INSRR: variants seen among roughly 807,000 people sequenced by gnomAD.
The protein encoded by INSRR is insulin receptor related receptor, also known as insulin receptor-related protein.
Under a neutral mutation model 130.0 loss-of-function variants are expected in INSRR, and 114 were observed. The ratio of observed to expected loss-of-function variants is 0.88; its 90% confidence interval spans 0.75 to 1.02. The LOEUF (loss-of-function observed/expected upper bound fraction) is 1.02, where lower values mean the gene tolerates loss of function less well. Ranked by LOEUF, INSRR falls within the 50% of genes least tolerant of loss-of-function variation. The pLI is 0.00. For missense variants in INSRR, 1,657 were observed against 1,735.2 expected (o/e 0.95, Z 0.80); for synonymous variants, 674 against 705.2 (o/e 0.96, Z 0.70).
chr1:156,853,922 C>T lies in INSRR; in HGVS notation c.467G>A (p.Gly156Glu). Reference sequence around the variant, plus strand: ...GGCGCCAGGTGCTGGCTGCAGCAGTCCCCAGTCAATGGTGGAGAGGTGGCA... The same window carrying T: ...GGCGCCAGGTGCTGGCTGCAGCAGTTCCCAGTCAATGGTGGAGAGGTGGCA... ...ELCHLSTIDW[G>E]LLQPAPGANH... Residue 156 changes from glycine to glutamate, a missense_variant, in exon 2 of 22, where the codon GGA becomes GAA. Coordinates refer to ENST00000368195, the MANE Select transcript of INSRR (RefSeq NM_014215.3). 1.2e-6 allele frequency: 2 copies of T among 1,614,080 alleles called. No homozygotes were observed. The highest frequency in any genetic ancestry group is 1.1e-5 in the South Asian group (1 of 91,058).
chr1:156,843,657 C>T (rs1654883774), intron 15 of INSRR, among the ~76,000 whole-genome samples, 178 bp from the exon 16 acceptor site: 1 of 152,234 alleles, frequency 6.6e-6, no homozygotes. Context: ...TGGCCCTATT[C>T]CTGGGATCTA....
intron 7 of INSRR, among the ~76,000 whole-genome samples, chr1:156,848,606 G>A (rs1355303842): frequency 2.6e-5 from 4 of 152,212 alleles, no homozygotes; most frequent in Non-Finnish European, 5.9e-5. Context: ...GGGCAGGAGC[G>A]TGTGGTCAGT....
At position 156,841,745 on chromosome 1, in the gene INSRR, A is replaced by AC; in HGVS notation, c.3446dup (p.Gly1150TrpfsTer50). 6.2e-7 allele frequency: 1 copy of AC among 1,613,810 alleles called. No individual in the cohort carries two copies. Among genetic ancestry groups the AC allele is most frequent in the Non-Finnish European group, 8.5e-7 (1 of 1,179,898 alleles). On this transcript the variant is annotated frameshift_variant, in exon 20 of 22. Coordinates refer to ENST00000368195, the MANE Select transcript of INSRR (RefSeq NM_014215.3). LOFTEE classifies it high-confidence loss of function. ...AGCGCACGGGCAGCAGCCCCTTCCC[A>AC]CCCTTGCGGTAATAGTCTGTCTCAT...
At chr1:156,851,209 G>T in intron 5 of INSRR, 81 bp downstream of exon 5, 1 of 1,553,776 alleles carries the variant, frequency 6.4e-7, no homozygotes, top group South Asian at 1.1e-5. Context: ...TGGTTCCAGA[G>T]CCCATTCTCT....
At chr1:156,843,769 C>G (rs1654887340) in intron 15 of INSRR, among the ~76,000 whole-genome samples, 1 of 152,238 alleles carries the variant, frequency 6.6e-6, no homozygotes, top group South Asian at 2.1e-4. Flanking sequence ...CTCTTGCAGT[C>G]AGCCCTGGAA....
At position 156,854,159 on chromosome 1, in the gene INSRR, G is replaced by A; in HGVS notation, c.230C>T (p.Thr77Ile). ...GAGCAGCAGGTAGTCGGTGACCTGG[G>A]TGAGGCGAGGGAAGCTGAGGCCGCG... The part of the protein sequence containing the change: ...DFRGLSFPRL[T>I]QVTDYLLLFR... Residue 77 changes from threonine to isoleucine, a missense_variant, in exon 2 of 22, where the codon ACC (threonine) becomes ATC (isoleucine). Transcript: ENST00000368195. The surrounding 1 kb of genome is among the most constrained non-coding windows in gnomAD (Gnocchi z 4.2). 1 of 1,614,162 alleles carries A rather than the reference G, an allele frequency of 6.2e-7. No individual in the cohort carries two copies. The highest frequency in any genetic ancestry group is 8.5e-7 in the Non-Finnish European group (1 of 1,180,048).
Position 156,844,479 on chromosome 1 carries a change from A to T in INSRR, c.2720T>A (p.Phe907Tyr). ...GTGTATACCTGGGCCAAGGATGTAG[A>T]AGGCAACACTGTCTGTCCAAGAGCC... ...GNGSWTDSVA[F>Y]YILGPEEEDA... The change falls in exon 14 of 22, where the codon TTC (phenylalanine) becomes TAC (tyrosine). Residue 907 changes from phenylalanine to tyrosine, a missense_variant. Physicochemically the swap from Phe to Tyr is conservative, Grantham distance 22. Transcript: ENST00000368195. The T allele has an allele frequency of 6.2e-7, 1 of 1,613,908 alleles. No individual in the cohort carries two copies. Among genetic ancestry groups the T allele is most frequent in the African/African-American group, 1.3e-5 (1 of 75,022 alleles).
Position 156,854,096 on chromosome 1 carries a change from AAGAGGTCGC to A in INSRR, c.284_292del (p.Arg95_Phe98delinsLeu), listed in dbSNP as rs1409749124. On this transcript the variant is annotated inframe_deletion, in exon 2 of 22. Coordinates refer to ENST00000368195, the MANE Select transcript of INSRR (RefSeq NM_014215.3). The surrounding 1 kb of genome is among the most constrained non-coding windows in gnomAD (Gnocchi z 4.2). ...CCCGCGGATGACTGCTAGGTTGGGG[AAGAGGTCGC>A]GCAGGCTCTCCAGTCCGTAGACACG... 6.2e-7 allele frequency: 1 copy of A among 1,614,104 alleles called. No individual in the cohort carries two copies. Among genetic ancestry groups the A allele is most frequent in the East Asian group, 2.2e-5 (1 of 44,892 alleles).
At chr1:156,853,507 C>A (rs1395043661) in intron 2 of INSRR, among the ~76,000 whole-genome samples, 1 of 152,202 alleles carries the variant, frequency 6.6e-6, no homozygotes, top group African/African-American at 2.4e-5. Flanking sequence ...TCCCCCCATG[C>A]CCACCTTGAA....
intron 15 of INSRR, 38 bp downstream of exon 15, chr1:156,844,137 G>A (rs893347254): frequency 6.8e-7 from 1 of 1,462,268 alleles, no homozygotes; most frequent in Middle Eastern, 1.7e-4. Context: ...AGGGCTCAGG[G>A]AGAAAAGGGG....
At chr1:156,855,982 C>T (rs985472713) in intron 1 of INSRR, among the ~76,000 whole-genome samples, 3 of 151,368 alleles carry the variant, frequency 2.0e-5, no homozygotes, top group Non-Finnish European at 4.4e-5. Flanking sequence ...ACTCTGTTGC[C>T]CAGGCTAGAG....
chr1:156,846,569 G>C lies in INSRR; in HGVS notation c.1760C>G (p.Pro587Arg), dbSNP rs780122857. ...GATGGGACTCTGGGCTCCTTGATGA[G>C]GGCTGTCCTCCTCAGTGGTTAGCGT... is the stretch of plus-strand genomic sequence containing the variant. ...AITLTTEEDSPHQGAQSPIVY... is the reference protein window; with the variant it reads ...AITLTTEEDSRHQGAQSPIVY... The change falls in exon 8 of 22, where the codon CCT becomes CGT. Residue 587 changes from proline to arginine, a missense_variant. Physicochemically the swap from Pro to Arg is moderately radical, Grantham distance 103 (BLOSUM62 -2). Coordinates refer to ENST00000368195, the MANE Select transcript of INSRR (RefSeq NM_014215.3). The C allele has an allele frequency of 6.2e-7, 1 of 1,614,166 alleles. No homozygotes were observed. Among genetic ancestry groups the C allele is most frequent in the South Asian group, 1.1e-5 (1 of 91,074 alleles).
At position 156,841,406 on chromosome 1, in the gene INSRR, C is replaced by G; in HGVS notation, c.3650G>C (p.Cys1217Ser). The G allele has an allele frequency of 6.2e-7, 1 of 1,613,530 alleles. No individual in the cohort carries two copies. The highest frequency in any genetic ancestry group is 8.5e-7 in the Non-Finnish European group (1 of 1,179,620). Reference sequence around the variant, plus strand: ...GGAGGTGACTCACAGCTGAAGGGGACAGCCCTCCAGCTCCTCCAGGACCCC... The same window carrying G: ...GGAGGTGACTCACAGCTGAAGGGGAGAGCCCTCCAGCTCCTCCAGGACCCC... ...DGGVLEELEG[C>S]PLQLQELMSR... Residue 1217 changes from cysteine (C) to serine (S), a missense_variant, in exon 21 of 22, where the codon TGT becomes TCT. By Grantham distance (112) the Cys-to-Ser change is moderately radical. Transcript: ENST00000368195.
Position 156,846,542 on chromosome 1 carries a change from A to G in INSRR, c.1787T>C (p.Val596Ala), listed in dbSNP as rs781060476. The G allele has an allele frequency of 1.2e-6, 2 of 1,614,078 alleles. No homozygotes were observed. The highest frequency in any genetic ancestry group is 8.5e-7 in the Non-Finnish European group (1 of 1,179,984). ...ACCTGCAGGCAGCGTTCGGAGGTAG[A>G]CGATGGGACTCTGGGCTCCTTGATG... ...SPHQGAQSPI[V>A]YLRTLPAAPT... is the part of the protein sequence containing the mutation. The change falls in exon 8 of 22, where the codon GTC becomes GCC. Residue 596 changes from valine (V) to alanine (A), a missense_variant. By Grantham distance (64) the Val-to-Ala change is moderately conservative. Transcript: ENST00000368195.
In INSRR at chr1:156,840,751, C is replaced by T. The variant is rs979816506; in HGVS notation, c.*122G>A. 2.1e-5 allele frequency: 16 copies of T among 758,590 alleles called. No individual in the cohort carries two copies. The African/African-American group carries it at 2.3e-4, about 11-fold the overall frequency. 47.0% of individuals were successfully genotyped at this position (758,590 alleles called of 1,614,324 possible). A position where few individuals can be genotyped will look rare whatever the true frequency, so the allele number is the denominator to read the frequency against. The stretch of plus-strand genomic sequence containing the variant: ...AGCCTTCCCTGCTCCTGTTCTCTGC[C>T]CCACCCTCGGCCATCCCTTGCCCTG... On this transcript the variant is annotated 3_prime_UTR_variant, in exon 22 of 22. Coordinates refer to ENST00000368195, the MANE Select transcript of INSRR (RefSeq NM_014215.3).
intron 5 of INSRR, chr1:156,851,077 G>C: frequency 1.6e-6 from 1 of 639,020 alleles, no homozygotes; most frequent in Non-Finnish European, 2.8e-6. Flanking sequence ...AACAACTTGA[G>C]TAATATTCAA....
rs781541297 is a variant in INSRR, at chr1:156,853,842, C to T, written c.547G>A (p.Val183Met). ...GEECADVCPG[V>M]LGAAGEPCAK... ...CAGGGCTCACCAGCAGCACCCAGCA[C>T]ACCAGGGCACACGTCAGCACACTCC... is the stretch of plus-strand genomic sequence containing the variant. Residue 183 changes from valine (V) to methionine (M), a missense_variant, in exon 2 of 22, where the codon GTG becomes ATG. Val to Met is a conservative substitution (Grantham distance 21). Coordinates refer to ENST00000368195, the MANE Select transcript of INSRR (RefSeq NM_014215.3). 3.1e-6 allele frequency: 5 copies of T among 1,613,876 alleles called. No individual in the cohort carries two copies. In the Admixed American group the frequency reaches 5.0e-5, roughly 16 times the overall value.
At chr1:156,857,950 G>C (rs1371896664) in intron 1 of INSRR, among the ~76,000 whole-genome samples, 1 of 152,058 alleles carries the variant, frequency 6.6e-6, no homozygotes, top group Non-Finnish European at 1.5e-5. Flanking sequence ...GTACTGATGG[G>C]CAGTATCTAG....
At chr1:156,851,546 G>A (rs1655207936) in intron 4 of INSRR, 100 bp downstream of exon 4, 1 of 1,605,928 alleles carries the variant, frequency 6.2e-7, no homozygotes, top group Non-Finnish European at 8.5e-7. Flanking sequence ...TGGGACCCAG[G>A]ATGATGGAAA....
Sources: allele counts gnomAD v4.1 joint callset (sites outside exome capture counted in the v4.1 genomes callset), GRCh38; gene constraint gnomAD v4.1.1; non-coding constraint Gnocchi (gnomAD v3.1); transcripts MANE v1.5; gene names NCBI Gene and HGNC (gene_info 2026-07-23, HGNC 2026-07-21).